SLC30A6: variants seen among roughly 807,000 people sequenced by gnomAD.
SLC30A6 encodes the protein solute carrier family 30 member 6.
In SLC30A6, 55 loss-of-function variants were observed where a neutral mutation model predicts 63.0. That is an observed-to-expected ratio of 0.87 (90% CI 0.70 to 1.09). The LOEUF (loss-of-function observed/expected upper bound fraction) is 1.09. Ranked by LOEUF, SLC30A6 falls within the 50% of genes least tolerant of loss-of-function variation. The pLI is 0.00. For synonymous variants in SLC30A6, 224 were observed against 186.1 expected, an observed-to-expected ratio of 1.20 and a Z score of -1.66; for missense variants, 587 against 549.2, an observed-to-expected ratio of 1.07 and a Z score of -0.69.
chr2:32,201,494 C>T (rs758558129), intron 10 of SLC30A6: 3 of 470,802 alleles, frequency 6.4e-6, no homozygotes, highest in Non-Finnish European at 1.1e-5. Flanking sequence ...TTGAATGACA[C>T]ACAGCCACGG....
chr2:32,205,146 A>C (rs1304817930), intron 11 of SLC30A6, among the ~76,000 whole-genome samples: 1 of 151,988 alleles, frequency 6.6e-6, no homozygotes, highest in Non-Finnish European at 1.5e-5. Context: ...TTTGGCCAGG[A>C]GAGGTGGCTC....
chr2:32,175,884 A>T (rs964774179), intron 4 of SLC30A6, among the ~76,000 whole-genome samples: 1 of 152,130 alleles, frequency 6.6e-6, no homozygotes, highest in Non-Finnish European at 1.5e-5. Context: ...GAGGCATAAG[A>T]CTTGCTTGGA....
chr2:32,209,711 C>G (rs1315588543), intron 13 of SLC30A6, 150 bp downstream of exon 13: 7 of 666,344 alleles, frequency 1.1e-5, no homozygotes, highest in African/African-American at 1.9e-5. Flanking sequence ...AATTCAATTA[C>G]CTAATTGAGG....
chr2:32,201,594 C>T (rs967360046), intron 10 of SLC30A6: 3 of 1,479,690 alleles, frequency 2.0e-6, no homozygotes, highest in Admixed American at 4.3e-5. Flanking sequence ...GCAGCAGTGG[C>T]CAGTAATGCC....
Position 32,206,895 on chromosome 2 carries a change from C to A in SLC30A6, c.778C>A (p.Pro260Thr). The change falls in exon 12 of 14, where the codon CCC (proline) becomes ACC (threonine). Residue 260 changes from proline to threonine, a missense_variant. Physicochemically the swap from Pro to Thr is conservative, Grantham distance 38. Coordinates refer to ENST00000282587, the MANE Select transcript of SLC30A6 (RefSeq NM_017964.5). ...TTGTATTTTTCCCCAGACAACACCA[C>A]CCCATGTTATTGGTCAGTTGGACAA... Reference protein sequence around the residue: ...SGKVLLQTTPPHVIGQLDKLI... With the variant: ...SGKVLLQTTPTHVIGQLDKLI... The A allele has an allele frequency of 6.2e-7, 1 of 1,611,688 alleles. No individual in the cohort carries two copies. The highest frequency in any genetic ancestry group is 2.2e-5 in the East Asian group (1 of 44,846).
At chr2:32,174,328 T>C (rs1009224203) in intron 3 of SLC30A6, among the ~76,000 whole-genome samples, 181 bp downstream of exon 3, 1 of 152,018 alleles carries the variant, frequency 6.6e-6, no homozygotes, top group Non-Finnish European at 1.5e-5. Context: ...TTTGTTAGGA[T>C]TGTAATTTTT....
chr2:32,181,428 T>C (rs1302755447), intron 4 of SLC30A6, among the ~76,000 whole-genome samples: 2 of 152,206 alleles, frequency 1.3e-5, no homozygotes, highest in Non-Finnish European at 2.9e-5. Context: ...TGATGAATTA[T>C]AGAAAAATTT....
At chr2:32,210,164 CT>C (rs1685128267) in intron 13 of SLC30A6, among the ~76,000 whole-genome samples, 2 of 152,120 alleles carry the variant, frequency 1.3e-5, no homozygotes, top group Non-Finnish European at 2.9e-5. Context: ...ATCTTATCAT[CT>C]AAAGAAAACT....
At chr2:32,207,968 G>A (rs575719445) in intron 12 of SLC30A6, among the ~76,000 whole-genome samples, 1 of 152,016 alleles carries the variant, frequency 6.6e-6, no homozygotes, top group South Asian at 2.1e-4. Flanking sequence ...AAAGTGCTGG[G>A]GTTACAGGCA....
rs1006430455 is a variant in SLC30A6, at chr2:32,212,117, AT to A, written c.885+2564del. Among the ~76,000 whole-genome samples the A allele has an allele frequency of 1.8e-4, 27 of 149,984 alleles. 2 individuals are homozygous for A. Among genetic ancestry groups the A allele is most frequent in the Non-Finnish European group, 3.1e-4 (21 of 67,398 alleles). On this transcript the variant is annotated intron_variant, in intron 13 of 13. Coordinates refer to ENST00000282587, the MANE Select transcript of SLC30A6 (RefSeq NM_017964.5). ...ATTCTTATCTTTTAATTTCCTTTTG[AT>A]TTTTTTTAACCTTTTGTGTCTCTTA... is the stretch of plus-strand genomic sequence containing the variant.
At chr2:32,203,644 G>T (rs1308168876) in intron 10 of SLC30A6, 2 of 1,568,700 alleles carry the variant, frequency 1.3e-6, no homozygotes, top group African/African-American at 1.4e-5. Flanking sequence ...GAGTAGTAAT[G>T]CAGTGTCTCA....
At chr2:32,192,521 G>A in intron 6 of SLC30A6, 105 bp downstream of exon 6, 1 of 910,494 alleles carries the variant, frequency 1.1e-6, no homozygotes, top group South Asian at 1.6e-5. Flanking sequence ...AAACTTAGAT[G>A]AGCAGGGCTG....
chr2:32,223,753 C>T lies in SLC30A6; in HGVS notation c.*3040C>T, dbSNP rs541389626. Reference sequence around the variant, plus strand: ...AAATATATTTAGATGAGAGAGTTCTCTTAGACTTCTTTCTTTGTAAGGAAG... The same window carrying T: ...AAATATATTTAGATGAGAGAGTTCTTTTAGACTTCTTTCTTTGTAAGGAAG... On this transcript the variant is annotated 3_prime_UTR_variant, in exon 14 of 14. Transcript: ENST00000282587. The T allele has an allele frequency of 6.6e-6, 1 of 152,182 alleles. No homozygotes were observed. The highest frequency in any genetic ancestry group is 2.4e-5 in the African/African-American group (1 of 41,530). The allele number at this position is 152,182 out of a possible 1,614,324, so 9.4% of individuals were successfully genotyped here.
At position 32,203,114 on chromosome 2, in the gene SLC30A6, T is replaced by A; in HGVS notation, c.666-1476T>A. The A allele has an allele frequency of 2.3e-6, 3 of 1,307,982 alleles. No homozygotes were observed. The South Asian group carries it at 3.5e-5, about 15-fold the overall frequency. 81.0% of individuals were successfully genotyped at this position (1,307,982 alleles called of 1,614,324 possible). On this transcript the variant is annotated intron_variant, in intron 10 of 13. Coordinates refer to ENST00000282587, the MANE Select transcript of SLC30A6 (RefSeq NM_017964.5). ...CACTAAAAGACTTCAGAGAAGGTAG[T>A]TTTAAAGTTTTGGTGGCAACCAACG...
intron 2 of SLC30A6, among the ~76,000 whole-genome samples, chr2:32,171,590 A>G (rs753642359): frequency 2.0e-4 from 30 of 152,252 alleles, no homozygotes; most frequent in Non-Finnish European, 4.0e-4. Flanking sequence ...TTTTGATTCT[A>G]ATTCTGAAGT....
chr2:32,204,777 A>G (rs1193886479), intron 11 of SLC30A6, 85 bp downstream of exon 11: 1 of 514,750 alleles, frequency 1.9e-6, no homozygotes, highest in Non-Finnish European at 3.1e-6. Flanking sequence ...GTTCTACAAG[A>G]TTGTGAAATT....
At chr2:32,202,625 C>T (rs1459746862) in intron 10 of SLC30A6, 7 of 524,802 alleles carry the variant, frequency 1.3e-5, no homozygotes, top group Non-Finnish European at 2.5e-5. Context: ...ACCACTGTGC[C>T]CAGCTCTGAT....
At chr2:32,196,132 G>A (rs2148862722) in intron 8 of SLC30A6, among the ~76,000 whole-genome samples, 2 of 152,252 alleles carry the variant, frequency 1.3e-5, no homozygotes, top group Middle Eastern at 3.4e-3. Context: ...GGCCAACATG[G>A]CAAAACCCTG....
At chr2:32,202,006 G>A (rs781238920) in intron 10 of SLC30A6, 3 of 1,215,168 alleles carry the variant, frequency 2.5e-6, no homozygotes, top group East Asian at 2.4e-5. Flanking sequence ...TCTACTGAAT[G>A]AGATATTGAT....
Sources: allele counts gnomAD v4.1 joint callset (sites outside exome capture counted in the v4.1 genomes callset), GRCh38; gene constraint gnomAD v4.1.1; transcripts MANE v1.5; gene names NCBI Gene and HGNC (gene_info 2026-07-23, HGNC 2026-07-21).